Variants in SGCZ observed in about 807,000 individuals in gnomAD.
SGCZ encodes the protein zeta-sarcoglycan.
In SGCZ, 40 loss-of-function variants were observed where a neutral mutation model predicts 41.3. The ratio of observed to expected loss-of-function variants is 0.97; its 90% CI spans 0.75 to 1.26. SGCZ has a LOEUF of 1.26. SGCZ is among the 50% of genes most tolerant of loss of function. The pLI, the probability that SGCZ is intolerant of heterozygous loss-of-function variation, is 0.00. For missense variants in SGCZ, 552 were observed against 369.8 expected (o/e 1.49, Z -4.04); for synonymous variants, 206 against 137.5 (o/e 1.50, Z -3.49).
At chr8:14,701,903 C>T (rs543686508) in intron 1 of SGCZ, among the ~76,000 whole-genome samples, 2 of 151,896 alleles carry the variant, frequency 1.3e-5, no homozygotes, top group South Asian at 4.2e-4. Context: ...AAATAGTATC[C>T]CATGTTTAAA....
At position 14,085,762 on chromosome 8, in the gene SGCZ, C is replaced by A. The variant is rs1488683689; in HGVS notation, c.*4681G>T. On this transcript the variant is annotated 3_prime_UTR_variant, in exon 8 of 8. Coordinates refer to ENST00000382080, the MANE Select transcript of SGCZ (RefSeq NM_139167.4). ...AAAGTGGACCACACTAATGATGTTT[C>A]CCTTCTGAAACAAAAGCATTCCTTA... 6.6e-6 allele frequency among the ~76,000 whole-genome samples: 1 copy of A among 151,692 alleles called. No homozygotes were observed. The highest frequency in any genetic ancestry group is 1.5e-5 in the Non-Finnish European group (1 of 67,798).
intron 1 of SGCZ, among the ~76,000 whole-genome samples, chr8:15,206,780 T>C (rs918876132): frequency 1.3e-5 from 2 of 152,056 alleles, no homozygotes; most frequent in African/African-American, 2.4e-5. Flanking sequence ...TAAAGAGATT[T>C]TTTTTTTCTA....
chr8:15,217,285 CG>C (rs1300952025), intron 1 of SGCZ, among the ~76,000 whole-genome samples: 4 of 150,998 alleles, frequency 2.6e-5, no homozygotes, highest in Non-Finnish European at 5.9e-5. Context: ...GGCGTGTTGG[CG>C]GGCGCCTGTA....
chr8:14,636,003 G>A (rs1441265374), intron 1 of SGCZ, among the ~76,000 whole-genome samples: 2 of 151,804 alleles, frequency 1.3e-5, no homozygotes, highest in African/African-American at 4.8e-5. Flanking sequence ...ATCAAAAGAG[G>A]CTTGCAAAAG....
chr8:14,830,265 T>G (rs560953484), intron 1 of SGCZ, among the ~76,000 whole-genome samples: 9 of 152,254 alleles, frequency 5.9e-5, no homozygotes, highest in African/African-American at 2.2e-4. Context: ...CAAATTTTTT[T>G]TTTTGGTTTG....
At position 14,949,896 on chromosome 8, in the gene SGCZ, G is replaced by A. The variant is rs552746319; in HGVS notation, c.39+287689C>T. Among the ~76,000 whole-genome samples, 6 of 152,090 alleles carry A rather than the reference G, an allele frequency of 3.9e-5. No individual in the cohort carries two copies. The South Asian group carries it at 6.2e-4, about 16-fold the overall frequency. The stretch of plus-strand genomic sequence containing the variant: ...GTATAAAAGAGTTTGGCAAAAGATC[G>A]GAAGTTAAGGTAATTCATGTTTAAG... On this transcript the variant is annotated intron_variant, in intron 1 of 7. Transcript: ENST00000382080.
At chr8:14,361,411 C>T (rs188488239) in intron 2 of SGCZ, among the ~76,000 whole-genome samples, 16 of 152,108 alleles carry the variant, frequency 1.1e-4, no homozygotes, top group Admixed American at 2.0e-4. Flanking sequence ...CTTATCTTAT[C>T]GCTTTATTTC....
At chr8:14,432,066 T>G (rs1247715563) in intron 2 of SGCZ, among the ~76,000 whole-genome samples, 2 of 152,166 alleles carry the variant, frequency 1.3e-5, no homozygotes, top group Non-Finnish European at 2.9e-5. Flanking sequence ...CAGGGAACAC[T>G]TCTACCCTGC....
At chr8:14,632,773 T>A (rs546447727) in intron 1 of SGCZ, among the ~76,000 whole-genome samples, 105 of 152,038 alleles carry the variant, frequency 6.9e-4, no homozygotes, top group African/African-American at 2.4e-3. Context: ...TGATTTAAAG[T>A]CAAAGTAAAC....
At chr8:14,899,988 G>C (rs1798909805) in intron 1 of SGCZ, among the ~76,000 whole-genome samples, 1 of 152,178 alleles carries the variant, frequency 6.6e-6, no homozygotes, top group Non-Finnish European at 1.5e-5. Flanking sequence ...TTAACGTGGG[G>C]TGTTATTCTC....
At chr8:14,659,097 T>C (rs780998648) in intron 1 of SGCZ, among the ~76,000 whole-genome samples, 11 of 152,192 alleles carry the variant, frequency 7.2e-5, no homozygotes, top group Non-Finnish European at 1.5e-4. Flanking sequence ...GAGTTACTTT[T>C]CTGTTAGTAT....
At chr8:14,494,428 A>C (rs929358353) in intron 2 of SGCZ, among the ~76,000 whole-genome samples, 2 of 152,200 alleles carry the variant, frequency 1.3e-5, no homozygotes, top group African/African-American at 4.8e-5. Flanking sequence ...TGAGAGAAGA[A>C]GAATGATATT....
chr8:14,489,703 A>G (rs1563363282), intron 2 of SGCZ, among the ~76,000 whole-genome samples: 1 of 150,578 alleles, frequency 6.6e-6, no homozygotes. Flanking sequence ...GTAAATATAA[A>G]TCTTACACAA....
intron 2 of SGCZ, among the ~76,000 whole-genome samples, chr8:14,363,343 G>C (rs1308582951): frequency 6.6e-6 from 1 of 152,060 alleles, no homozygotes; most frequent in Non-Finnish European, 1.5e-5. Flanking sequence ...ACTGAGACTA[G>C]ACTACTATAG....
chr8:14,917,632 G>T (rs1799475634), intron 1 of SGCZ, among the ~76,000 whole-genome samples: 1 of 151,992 alleles, frequency 6.6e-6, no homozygotes, highest in Non-Finnish European at 1.5e-5. Flanking sequence ...TGCCAACTCT[G>T]ATCTATGTTA....
intron 3 of SGCZ, among the ~76,000 whole-genome samples, chr8:14,288,074 T>C (rs1295636315): frequency 2.6e-5 from 4 of 152,130 alleles, no homozygotes; most frequent in Non-Finnish European, 5.9e-5. Context: ...CTGTGAATTT[T>C]TGTGTAGCTG....
At chr8:14,322,673 T>C (rs1172326954) in intron 3 of SGCZ, among the ~76,000 whole-genome samples, 1 of 152,160 alleles carries the variant, frequency 6.6e-6, no homozygotes, top group Non-Finnish European at 1.5e-5. Flanking sequence ...ATTTCTGCTG[T>C]CCCTGGACTT....
intron 1 of SGCZ, among the ~76,000 whole-genome samples, chr8:14,760,048 A>G (rs1799811891): frequency 1.3e-5 from 2 of 152,174 alleles, no homozygotes; most frequent in African/African-American, 4.8e-5. Flanking sequence ...TAAATGCACA[A>G]TTCCTCTAAC....
chr8:14,694,515 C>G (rs2071709079), intron 1 of SGCZ, among the ~76,000 whole-genome samples: 1 of 152,114 alleles, frequency 6.6e-6, no homozygotes. Context: ...GGTCTTTGGT[C>G]TGCAGAGTAA....
Sources: allele counts gnomAD v4.1 joint callset (sites outside exome capture counted in the v4.1 genomes callset), GRCh38; gene constraint gnomAD v4.1.1; transcripts MANE v1.5; gene names NCBI Gene and HGNC (gene_info 2026-07-23, HGNC 2026-07-21).